SECISBP2L: variants seen among roughly 807,000 people sequenced by gnomAD.
SECISBP2L encodes the protein selenocysteine insertion sequence-binding protein 2-like.
A neutral mutation model predicts 114.7 loss-of-function variants in SECISBP2L; 43 were observed. The observed-to-expected ratio is 0.38, with a 90% CI of 0.29 to 0.48. The LOEUF (loss-of-function observed/expected upper bound fraction) is 0.48, where lower values mean the gene tolerates loss of function less well. SECISBP2L is among the 20% of genes least tolerant of loss of function. The probability of loss-of-function intolerance (pLI) is 0.98; values close to 1 mark genes in which losing one functional copy is unlikely to be tolerated. For missense variants in SECISBP2L, 1,136 were observed against 1,301.1 expected, an observed-to-expected ratio of 0.87 and a Z score of 1.95; for synonymous variants, 451 against 439.7, an observed-to-expected ratio of 1.03 and a Z score of -0.32.
rs1292072767 is a variant in SECISBP2L at position 48,991,513 on chromosome 15, G to A, written c.*731C>T. The A allele has an allele frequency of 6.6e-6, 1 of 152,630 alleles. No individual in the cohort carries two copies. Among genetic ancestry groups the A allele is most frequent in the East Asian group, 1.9e-4 (1 of 5,200 alleles). 9.5% of individuals were successfully genotyped at this position (152,630 alleles called of 1,614,324 possible). On this transcript the variant is annotated 3_prime_UTR_variant, in exon 18 of 18. Transcript: ENST00000559471. ...GTCTATGTACAAGAGCATTCCTGAG[G>A]TAAGTAAGAAGCAAATATGAGACAG...
At position 48,988,982 on chromosome 15, in the gene SECISBP2L, A is replaced by G. The variant is rs1901914948; in HGVS notation, c.*3262T>C. On this transcript the variant is annotated 3_prime_UTR_variant, in exon 18 of 18. Transcript: ENST00000559471. ...GTTTGGTTGATTCTGTGATGTATGT[A>G]AAGGTTGGAAGGGATGAGGGAGGAG... 4 of 157,954 alleles carry G rather than the reference A, an allele frequency of 2.5e-5. No homozygotes were observed. Among genetic ancestry groups the G allele is most frequent in the Admixed American group, 2.5e-4 (4 of 15,884 alleles). The allele number at this position is 157,954 out of a possible 1,614,324, so 9.8% of individuals were successfully genotyped here. A position where few individuals can be genotyped will look rare whatever the true frequency, so the allele number is the denominator to read the frequency against.
chr15:49,025,068 C>T (rs1055893823), intron 7 of SECISBP2L, among the ~76,000 whole-genome samples: 1 of 152,152 alleles, frequency 6.6e-6, no homozygotes, highest in South Asian at 2.1e-4. Flanking sequence ...ACAGTCTCAA[C>T]AGAAAATTTC....
intron 7 of SECISBP2L, among the ~76,000 whole-genome samples, chr15:49,024,811 C>T (rs1209083717): frequency 6.6e-6 from 1 of 152,142 alleles, no homozygotes; most frequent in Non-Finnish European, 1.5e-5. Flanking sequence ...AACAAATACA[C>T]TTAAGTAAAG....
Position 49,009,353 on chromosome 15 carries a change from A to C in SECISBP2L, c.1890T>G (p.Asp630Glu). Residue 630 changes from aspartate to glutamate, a missense_variant, in exon 14 of 18, where the codon GAT becomes GAG. Physicochemically the swap from Asp to Glu is conservative, Grantham distance 45. Around this residue, in one of 2 missense-constraint regions of SECISBP2L, gnomAD observed 684 missense variants for 848.7 expected, o/e 0.81. Transcript: ENST00000559471. Reference protein sequence around the residue: ...QEDTGLSMPSDTSLSPASQNS... With the variant: ...QEDTGLSMPSETSLSPASQNS... ...TCTGACTTGCTGGAGAGAGTGAAGT[A>C]TCACTGGGCATGCTTAGTCCAGTAT... 2 of 1,614,084 alleles carry C rather than the reference A, an allele frequency of 1.2e-6. No individual in the cohort carries two copies. The highest frequency in any genetic ancestry group is 1.7e-6 in the Non-Finnish European group (2 of 1,179,978).
rs1902012763 is a variant in SECISBP2L at position 48,992,855 on chromosome 15, A to G, written c.2695T>C (p.Cys899Arg). ...EASENEKEVS[C>R]KHSTSEKPSK... ...GGTTTTTCAGAAGTGCTGTGCTTACAGGATACCTCTTTCTCATTTTCTGAT... is the reference window on the plus strand; with the variant it reads ...GGTTTTTCAGAAGTGCTGTGCTTACGGGATACCTCTTTCTCATTTTCTGAT... The change falls in exon 18 of 18, where the codon TGT becomes CGT. Residue 899 changes from cysteine to arginine, a missense_variant. Coordinates refer to ENST00000559471, the MANE Select transcript of SECISBP2L (RefSeq NM_001193489.2). The G allele has an allele frequency of 6.2e-7, 1 of 1,614,182 alleles. No homozygotes were observed. Among genetic ancestry groups the G allele is most frequent in the South Asian group, 1.1e-5 (1 of 91,082 alleles).
At chr15:49,006,794 G>T (rs796160029) in intron 14 of SECISBP2L, among the ~76,000 whole-genome samples, 1 of 152,050 alleles carries the variant, frequency 6.6e-6, no homozygotes, top group African/African-American at 2.4e-5. Context: ...GCCTACTTCC[G>T]TCAATTTGTC....
At chr15:49,032,936 T>C (rs777985684) in intron 4 of SECISBP2L, 29 bp downstream of exon 4, 2 of 1,604,470 alleles carry the variant, frequency 1.2e-6, no homozygotes, top group Non-Finnish European at 1.7e-6. Context: ...TAAAAATCAG[T>C]GACGCACATG....
At chr15:49,004,335 A>G (rs1902270504) in intron 14 of SECISBP2L, among the ~76,000 whole-genome samples, 1 of 150,888 alleles carries the variant, frequency 6.6e-6, no homozygotes, top group Non-Finnish European at 1.5e-5. Flanking sequence ...TCTCTTTTCT[A>G]TTAGTCTGGC....
chr15:49,002,068 T>G (rs914890655), intron 14 of SECISBP2L: 19 of 152,204 alleles, frequency 1.2e-4, no homozygotes, highest in Admixed American at 1.2e-3. Context: ...TAATTTACAC[T>G]CACACCAAAA....
intron 4 of SECISBP2L, among the ~76,000 whole-genome samples, chr15:49,032,242 CACAA>C (rs1276572740): frequency 2.6e-5 from 4 of 152,158 alleles, no homozygotes; most frequent in Admixed American, 6.5e-5. Flanking sequence ...GGCCTTGGAT[CACAA>C]ACAAAGATTT....
At chr15:49,045,954 GC>G (rs1440440787) in intron 1 of SECISBP2L, among the ~76,000 whole-genome samples, 1 of 152,220 alleles carries the variant, frequency 6.6e-6, no homozygotes, top group Non-Finnish European at 1.5e-5. Flanking sequence ...AATGGGGGAA[GC>G]GGGGAGACTA....
chr15:49,002,282 G>A (rs1222006405), intron 14 of SECISBP2L, among the ~76,000 whole-genome samples: 2 of 151,960 alleles, frequency 1.3e-5, no homozygotes, highest in African/African-American at 2.4e-5. Flanking sequence ...CGTATCCTTC[G>A]CCCACTTTTT....
At chr15:49,011,706 A>C in intron 13 of SECISBP2L, 25 bp downstream of exon 13, 1 of 1,612,632 alleles carries the variant, frequency 6.2e-7, no homozygotes, top group Non-Finnish European at 8.5e-7. Flanking sequence ...TTCCATGAGA[A>C]GAGGAGAAAG....
At chr15:49,032,641 C>A (rs1489491014) in intron 4 of SECISBP2L, among the ~76,000 whole-genome samples, 1 of 152,144 alleles carries the variant, frequency 6.6e-6, no homozygotes, top group African/African-American at 2.4e-5. Flanking sequence ...AAAACATGTA[C>A]AATTTTAATT....
intron 3 of SECISBP2L, among the ~76,000 whole-genome samples, chr15:49,034,500 A>G (rs1229175448): frequency 7.9e-5 from 12 of 151,508 alleles, no homozygotes; most frequent in Admixed American, 7.9e-4. Flanking sequence ...CTTCAGTCTT[A>G]GGAGACCCTT....
At chr15:49,025,442 C>A (rs757953753) in intron 7 of SECISBP2L, among the ~76,000 whole-genome samples, 1 of 152,166 alleles carries the variant, frequency 6.6e-6, no homozygotes, top group African/African-American at 2.4e-5. Context: ...ACCTTATGCA[C>A]ATAGCCGGAA....
chr15:49,038,127 G>A (rs541851060), intron 1 of SECISBP2L, among the ~76,000 whole-genome samples: 1 of 152,116 alleles, frequency 6.6e-6, no homozygotes, highest in East Asian at 1.9e-4. Flanking sequence ...ATTTTGTTGG[G>A]GGAAAAATTG....
chr15:49,018,420 T>C (rs1902580044), intron 8 of SECISBP2L, among the ~76,000 whole-genome samples: 1 of 151,866 alleles, frequency 6.6e-6, no homozygotes, highest in African/African-American at 2.4e-5. Flanking sequence ...CCATGCCCAG[T>C]TAACTTTTTG....
intron 11 of SECISBP2L, among the ~76,000 whole-genome samples, chr15:49,015,916 T>C (rs1480934662): frequency 2.0e-5 from 3 of 152,186 alleles, no homozygotes; most frequent in Non-Finnish European, 4.4e-5. Context: ...ACTATGCTGA[T>C]ACCTGGGGAA....
Sources: gnomAD v4.1 joint callset for allele counts (sites outside exome capture counted in the v4.1 genomes callset) on GRCh38, gnomAD v4.1.1 for gene constraint, gnomAD v4.1.1 regional missense constraint, MANE v1.5 for transcripts, NCBI Gene and HGNC (gene_info 2026-07-23, HGNC 2026-07-21) for gene names.